The following CFAP46 variants were observed in gnomAD, a reference collection of about 807,000 sequenced individuals.
CFAP46 encodes cilia- and flagella-associated protein 46.
Under a neutral mutation model 325.7 loss-of-function variants are expected in CFAP46, and 245 were observed. The ratio of observed to expected loss-of-function variants is 0.75; its 90% CI spans 0.68 to 0.84. CFAP46 has a LOEUF of 0.84. Among genes scored for constraint, CFAP46 ranks in the 40% least tolerant of loss-of-function variants. CFAP46 has a pLI of 0.00. For missense variants in CFAP46, 3,346 were observed against 3,543.0 expected, an observed-to-expected ratio of 0.94 and a Z score of 1.41; for synonymous variants, 1,523 against 1,495.9, an observed-to-expected ratio of 1.02 and a Z score of -0.42.
At position 132,817,127 on chromosome 10, in the gene CFAP46, C is replaced by T. The variant is rs372327455; in HGVS notation, c.7118-2213G>A. On this transcript the variant is annotated intron_variant, in intron 50 of 57. Transcript: ENST00000368586. This position sits in a 1 kb window ranked among gnomAD's most constrained non-coding sequence, Gnocchi z 4.4. ...ATCTCCCAGCGTTGGGGCTGGCCAACGGCTGCACCCCGCGGTTTTTGCTTT... is the reference window on the plus strand; with the variant it reads ...ATCTCCCAGCGTTGGGGCTGGCCAATGGCTGCACCCCGCGGTTTTTGCTTT... Among the ~76,000 whole-genome samples the T allele has an allele frequency of 1.1e-4, 16 of 152,238 alleles. No homozygotes were observed. The highest frequency in any genetic ancestry group is 3.4e-4 in the African/African-American group (14 of 41,548).
chr10:132,849,458 T>C (rs1803780961), intron 41 of CFAP46, among the ~76,000 whole-genome samples: 1 of 152,088 alleles, frequency 6.6e-6, no homozygotes. Context: ...CCTTAGGAGC[T>C]GGTGTGTGGG....
chr10:132,836,119 C>G (rs751555558), intron 46 of CFAP46, 23 bp downstream of exon 46: 1 of 1,594,088 alleles, frequency 6.3e-7, no homozygotes, highest in Non-Finnish European at 8.5e-7. Context: ...CTCCCCCTCC[C>G]CCTCCCCTGC....
rs1477439719 is a variant in CFAP46, at chr10:132,828,107, G to A, written c.7117+5251C>T. ...CACTGGGTGTCCAGGTGTCCGTCCT[G>A]TGGGTGATGGATCTTTCTGTGGTTT... On this transcript the variant is annotated intron_variant, in intron 50 of 57. Coordinates refer to ENST00000368586, the MANE Select transcript of CFAP46 (RefSeq NM_001200049.3). This position sits in a 1 kb window ranked among gnomAD's most constrained non-coding sequence, Gnocchi z 4.9. Among the ~76,000 whole-genome samples the A allele has an allele frequency of 2.0e-5, 3 of 152,250 alleles. No individual in the cohort carries two copies. Among genetic ancestry groups the A allele is most frequent in the African/African-American group, 7.2e-5 (3 of 41,466 alleles).
At chr10:132,880,507 C>A (rs557865677) in intron 28 of CFAP46, among the ~76,000 whole-genome samples, 137 of 152,322 alleles carry the variant, frequency 9.0e-4, no homozygotes, top group Admixed American at 2.8e-3. Context: ...CCCGCTCCCC[C>A]GGCCTCCTGA....
chr10:132,936,653 G>A (rs559654771), intron 7 of CFAP46, among the ~76,000 whole-genome samples: 4 of 139,550 alleles, frequency 2.9e-5, no homozygotes, highest in Admixed American at 7.1e-5. Flanking sequence ...CACTCCCCTC[G>A]GCATCCAAAC....
intron 27 of CFAP46, 61 bp from the exon 28 acceptor site, chr10:132,881,093 A>C (rs1213383026): frequency 7.0e-7 from 1 of 1,427,510 alleles, no homozygotes; most frequent in Non-Finnish European, 9.6e-7. Context: ...TTCCTGACGC[A>C]GTGGAATACT....
chr10:132,858,327 T>G (rs1848675528), intron 38 of CFAP46, among the ~76,000 whole-genome samples: 1 of 115,854 alleles, frequency 8.6e-6, no homozygotes, highest in African/African-American at 3.3e-5. Flanking sequence ...ATGGAGGCTT[T>G]GCTGGGGGTG....
At chr10:132,833,911 C>T in intron 49 of CFAP46, 130 bp downstream of exon 49, 1 of 801,784 alleles carries the variant, frequency 1.2e-6, no homozygotes, top group Non-Finnish European at 2.1e-6. Flanking sequence ...GGGGAAGGAG[C>T]AGCAGGGCTT....
intron 34 of CFAP46, among the ~76,000 whole-genome samples, chr10:132,866,928 G>A (rs1848822274): frequency 1.3e-5 from 2 of 152,232 alleles, no homozygotes; most frequent in Non-Finnish European, 2.9e-5. Flanking sequence ...GGACCTCCAG[G>A]CGGAGCTCCC....
At chr10:132,892,474 C>T in intron 24 of CFAP46, 57 bp from the exon 25 acceptor site, 1 of 1,488,688 alleles carries the variant, frequency 6.7e-7, no homozygotes, top group Non-Finnish European at 9.2e-7. Context: ...CAGTCTTTCA[C>T]CATGAGATAA....
chr10:132,850,178 T>C, intron 41 of CFAP46, 66 bp downstream of exon 41: 3 of 1,483,674 alleles, frequency 2.0e-6, no homozygotes, highest in Middle Eastern at 2.0e-4. Context: ...AACACTTCGC[T>C]TGTGTTTTTC....
chr10:132,847,440 G>C lies in CFAP46; in HGVS notation c.5953-119C>G, dbSNP rs530723586. 4 of 1,235,576 alleles carry C rather than the reference G, an allele frequency of 3.2e-6. No homozygotes were observed. In the African/African-American group the frequency reaches 4.5e-5, roughly 14 times the overall value. The allele number at this position is 1,235,576 out of a possible 1,614,324, so 76.5% of individuals were successfully genotyped here. A position where few individuals can be genotyped will look rare whatever the true frequency, so the allele number is the denominator to read the frequency against. ...CCTCAGCAGGGTCCCCGGGTAGGGG[G>C]TACCGCAGGCCACAGCATGGCCTCT... is the stretch of plus-strand genomic sequence containing the variant. On this transcript the variant is annotated intron_variant, in intron 41 of 57. Transcript: ENST00000368586. The surrounding 1 kb of genome is among the most constrained non-coding windows in gnomAD (Gnocchi z 5.2).
Position 132,869,423 on chromosome 10 carries a change from C to T in CFAP46, c.4512-51G>A. ...CAGTGTTGCACGGGCGCAGAGGGAG[C>T]CAGAAACGAAGCTACTAGTGTGCTT... On this transcript the variant is annotated intron_variant, in intron 32 of 57. Coordinates refer to ENST00000368586, the MANE Select transcript of CFAP46 (RefSeq NM_001200049.3). This position sits in a 1 kb window ranked among gnomAD's most constrained non-coding sequence, Gnocchi z 6.2. 1 of 1,362,540 alleles carries T rather than the reference C, an allele frequency of 7.3e-7. No individual in the cohort carries two copies. Among genetic ancestry groups the T allele is most frequent in the Non-Finnish European group, 9.8e-7 (1 of 1,016,470 alleles). 84.4% of individuals were successfully genotyped at this position (1,362,540 alleles called of 1,614,324 possible). A position where few individuals can be genotyped will look rare whatever the true frequency, so the allele number is the denominator to read the frequency against.
In CFAP46 at chr10:132,915,046, A is replaced by T. The variant is rs115259727; in HGVS notation, c.2120+1503T>A. Among the ~76,000 whole-genome samples, 1,334 of 152,380 alleles carry T rather than the reference A, an allele frequency of 8.8e-3. 19 individuals carry two copies. The highest frequency in any genetic ancestry group is 0.03 in the African/African-American group (1,258 of 41,586). ...GGACAGGGTCTGTCCGTCCCGCTAG[A>T]CCAGGCTGGGCAAACTTTTTCTATA... On this transcript the variant is annotated intron_variant, in intron 17 of 57. Coordinates refer to ENST00000368586, the MANE Select transcript of CFAP46 (RefSeq NM_001200049.3).
In CFAP46 at chr10:132,834,533, C is replaced by T. The variant is rs114108759; in HGVS notation, c.6866+121G>A. The T allele has an allele frequency of 1.3e-3, 1,784 of 1,399,958 alleles. 17 individuals carry two copies. In the African/African-American group the frequency reaches 0.02, roughly 16 times the overall value. 86.7% of individuals were successfully genotyped at this position (1,399,958 alleles called of 1,614,324 possible). ...CTTCCTGGGAGCAGGCAGGCGGCGC[C>T]GAGTCCTGAACAAAGGCGGCCGAGA... is the stretch of plus-strand genomic sequence containing the variant. On this transcript the variant is annotated intron_variant, in intron 48 of 57. Coordinates refer to ENST00000368586, the MANE Select transcript of CFAP46 (RefSeq NM_001200049.3).
In CFAP46 at chr10:132,886,930, C is replaced by G. The variant is rs1849140705; in HGVS notation, c.3305-971G>C. ...CCCAGCCTGCACACCCTTCCCCTGA[C>G]GGTAATTCCCACACCCTCCCAGCTC... On this transcript the variant is annotated intron_variant, in intron 25 of 57. Coordinates refer to ENST00000368586, the MANE Select transcript of CFAP46 (RefSeq NM_001200049.3). The surrounding 1 kb of genome is among the most constrained non-coding windows in gnomAD (Gnocchi z 5.8). 6.6e-6 allele frequency among the ~76,000 whole-genome samples: 1 copy of G among 152,046 alleles called. No individual in the cohort carries two copies. The highest frequency in any genetic ancestry group is 2.4e-5 in the African/African-American group (1 of 41,350).
Position 132,914,787 on chromosome 10 carries a change from G to C in CFAP46, c.2121-1529C>G, listed in dbSNP as rs868010746. Among the ~76,000 whole-genome samples, 520 of 132,138 alleles carry C rather than the reference G, an allele frequency of 3.9e-3. 1 individual carries two copies. The highest frequency in any genetic ancestry group is 0.013 in the East Asian group (52 of 4,072). 86.7% of individuals were successfully genotyped at this position (132,138 alleles called of 152,430 possible). On this transcript the variant is annotated intron_variant, in intron 17 of 57. Coordinates refer to ENST00000368586, the MANE Select transcript of CFAP46 (RefSeq NM_001200049.3). The stretch of plus-strand genomic sequence containing the variant: ...CTGTGTCCAGCCACACTGCACCCCG[G>C]CCCGAGGCTGTGTCCAGCCACACTG...
Position 132,869,418 on chromosome 10 carries a change from G to C in CFAP46, c.4512-46C>G. ...AGAGTCAGTGTTGCACGGGCGCAGA[G>C]GGAGCCAGAAACGAAGCTACTAGTG... On this transcript the variant is annotated intron_variant, in intron 32 of 57. Coordinates refer to ENST00000368586, the MANE Select transcript of CFAP46 (RefSeq NM_001200049.3). The surrounding 1 kb of genome is among the most constrained non-coding windows in gnomAD (Gnocchi z 6.2). The C allele has an allele frequency of 7.1e-7, 1 of 1,413,636 alleles. No homozygotes were observed. The highest frequency in any genetic ancestry group is 9.5e-7 in the Non-Finnish European group (1 of 1,058,152). The allele number at this position is 1,413,636 out of a possible 1,614,324, so 87.6% of individuals were successfully genotyped here. A position where few individuals can be genotyped will look rare whatever the true frequency, so the allele number is the denominator to read the frequency against.
In CFAP46 at chr10:132,876,901, C is replaced by T. The variant is rs1363505382; in HGVS notation, c.4273G>A (p.Ala1425Thr). ...ACTTCCTCGGGGCAGGAGTAGGAAG[C>T]CCACTCTTCTATGCTCATGGGTAAG... ...EDLPMSIEEWASYSCPEEVLS... is the reference protein window; with the variant it reads ...EDLPMSIEEWTSYSCPEEVLS... Residue 1425 changes from alanine (A) to threonine (T), a missense_variant, in exon 31 of 58, where the codon GCT (alanine) becomes ACT (threonine). Physicochemically the swap from Ala to Thr is moderately conservative, Grantham distance 58. Coordinates refer to ENST00000368586, the MANE Select transcript of CFAP46 (RefSeq NM_001200049.3). This position sits in a 1 kb window ranked among gnomAD's most constrained non-coding sequence, Gnocchi z 4.1. 6.4e-7 allele frequency: 1 copy of T among 1,550,556 alleles called. No homozygotes were observed. The highest frequency in any genetic ancestry group is 8.7e-7 in the Non-Finnish European group (1 of 1,146,972).
Sources: allele counts gnomAD v4.1 joint callset (sites outside exome capture counted in the v4.1 genomes callset), GRCh38; gene constraint gnomAD v4.1.1; non-coding constraint Gnocchi (gnomAD v3.1); transcripts MANE v1.5; gene names NCBI Gene and HGNC (gene_info 2026-07-23, HGNC 2026-07-21).